ABCC2: variants seen among roughly 807,000 people sequenced by gnomAD.
ABCC2 encodes ATP binding cassette subfamily C member 2, also known as ATP-binding cassette sub-family C member 2.
ABCC2 carries 157 observed loss-of-function variants against 173.4 expected under a neutral mutation model. That is an observed-to-expected ratio of 0.91 (90% CI 0.80 to 1.03). The LOEUF (loss-of-function observed/expected upper bound fraction) is 1.03, where lower values mean the gene tolerates loss of function less well. Among genes scored for constraint, ABCC2 ranks in the 50% least tolerant of loss-of-function variants. ABCC2 has a pLI of 0.00. For missense variants in ABCC2, 1,822 were observed against 1,852.3 expected, an observed-to-expected ratio of 0.98 and a Z score of 0.30; for synonymous variants, 657 against 693.5, an observed-to-expected ratio of 0.95 and a Z score of 0.83.
intron 18 of ABCC2, 44 bp downstream of exon 18, chr10:99,819,001 G>C: frequency 6.3e-7 from 1 of 1,594,502 alleles, no homozygotes; most frequent in South Asian, 1.1e-5. Flanking sequence ...GGTGGGGTGG[G>C]AGGGAGAGGG....
At chr10:99,809,981 A>G (rs2038181106) in intron 13 of ABCC2, among the ~76,000 whole-genome samples, 153 bp from the exon 14 acceptor site, 1 of 152,226 alleles carries the variant, frequency 6.6e-6, no homozygotes, top group Admixed American at 6.5e-5. Context: ...CCATCTGTCT[A>G]TGGTGGGATA....
intron 2 of ABCC2, among the ~76,000 whole-genome samples, chr10:99,785,081 T>C (rs932805283): frequency 4.6e-5 from 7 of 152,240 alleles, no homozygotes; most frequent in African/African-American, 1.4e-4. Context: ...GAACACTGGA[T>C]CACCTGTCTT....
chr10:99,799,687 G>C (rs2132999945), intron 8 of ABCC2, among the ~76,000 whole-genome samples: 1 of 152,260 alleles, frequency 6.6e-6, no homozygotes, highest in Non-Finnish European at 1.5e-5. Context: ...TACCCCTGGA[G>C]AGTAACTGAC....
At position 99,816,064 on chromosome 10, in the gene ABCC2, G is replaced by A. The variant is rs930229771; in HGVS notation, c.2095-1244G>A. Among the ~76,000 whole-genome samples, 7 of 151,702 alleles carry A rather than the reference G, an allele frequency of 4.6e-5. No individual in the cohort carries two copies. The East Asian group carries it at 7.7e-4, about 17-fold the overall frequency. On this transcript the variant is annotated intron_variant, in intron 16 of 31. Coordinates refer to ENST00000647814, the MANE Select transcript of ABCC2 (RefSeq NM_000392.5). ...GCTCACTGCAACCTCCACCTCCTGG[G>A]TTCAAGCAATTCTCTGCCTCAGCCT...
intron 24 of ABCC2, among the ~76,000 whole-genome samples, chr10:99,835,036 C>T (rs569940188): frequency 5.9e-5 from 9 of 152,298 alleles, no homozygotes; most frequent in African/African-American, 1.9e-4. Context: ...GGTTTAGGCT[C>T]AATTCCAGTG....
rs775342469 is a variant in ABCC2, at chr10:99,831,648, T to G, written c.2921T>G (p.Ile974Arg). The G allele has an allele frequency of 6.2e-7, 1 of 1,614,208 alleles. No individual in the cohort carries two copies. The highest frequency in any genetic ancestry group is 1.3e-5 in the African/African-American group (1 of 75,060). Residue 974 changes from isoleucine to arginine, a missense_variant, in exon 22 of 32, where the codon ATA becomes AGA. By Grantham distance (97) the Ile-to-Arg change is moderately conservative. Transcript: ENST00000647814. Reference protein sequence around the residue: ...FSIYLEYLQAIGLFSIFFIIL... With the variant: ...FSIYLEYLQARGLFSIFFIIL... ...ATCTACCTGGAGTACCTACAAGCAA[T>G]AGGATTGTTTTCGATATTCTTCATC...
chr10:99,784,269 C>T (rs2756104), intron 1 of ABCC2, among the ~76,000 whole-genome samples: 58,022 of 151,886 alleles, frequency 0.38, 11,473 homozygotes, highest in Middle Eastern at 0.5. Flanking sequence ...TCCCAGGGAA[C>T]TATTCTGTCC....
intron 19 of ABCC2, among the ~76,000 whole-genome samples, chr10:99,829,982 CTTCTA>C (rs1229179727): frequency 6.6e-6 from 1 of 152,192 alleles, no homozygotes; most frequent in East Asian, 1.9e-4. Context: ...GAATGTGACT[CTTCTA>C]TTTGTCTACC....
chr10:99,836,268 T>C lies in ABCC2; in HGVS notation c.3592T>C (p.Phe1198Leu). Residue 1198 changes from phenylalanine to leucine, a missense_variant, in exon 25 of 32, where the codon TTT becomes CTT. Transcript: ENST00000647814. ...VRIDTNQKCVFSWITSNRWLA... is the reference protein window; with the variant it reads ...VRIDTNQKCVLSWITSNRWLA... ...GATTGACACCAACCAGAAATGTGTC[T>C]TTTCCTGGATCACCTCCAACAGGTG... 2 of 1,614,176 alleles carry C rather than the reference T, an allele frequency of 1.2e-6. No individual in the cohort carries two copies. The highest frequency in any genetic ancestry group is 1.7e-6 in the Non-Finnish European group (2 of 1,180,020).
intron 9 of ABCC2, among the ~76,000 whole-genome samples, chr10:99,801,416 T>G (rs187508394): frequency 0.011 from 1,723 of 152,176 alleles, 31 homozygotes; most frequent in Middle Eastern, 0.041. Flanking sequence ...TTTTGTATTT[T>G]TAGTAGAGAT....
intron 7 of ABCC2, chr10:99,797,809 T>C (rs2037945487): frequency 1.0e-5 from 2 of 200,194 alleles, no homozygotes; most frequent in South Asian, 1.8e-4. Context: ...ATAGTGTATT[T>C]GGAGTGAAGT....
chr10:99,787,756 C>T (rs1343190710), intron 2 of ABCC2, among the ~76,000 whole-genome samples: 3 of 151,958 alleles, frequency 2.0e-5, no homozygotes, highest in Non-Finnish European at 4.4e-5. Flanking sequence ...CTCAGAGGAT[C>T]ACAAAGTTCA....
chr10:99,821,138 T>G (rs2133086554), intron 19 of ABCC2, among the ~76,000 whole-genome samples: 1 of 152,360 alleles, frequency 6.6e-6, no homozygotes, highest in East Asian at 1.9e-4. Context: ...AAGGATTAAG[T>G]GCTGTGCTTT....
intron 13 of ABCC2, among the ~76,000 whole-genome samples, chr10:99,809,271 T>C (rs1467680731): frequency 1.7e-4 from 26 of 152,156 alleles, no homozygotes; most frequent in Admixed American, 1.7e-3. Flanking sequence ...GAGAATCACT[T>C]GAACCTGGGA....
chr10:99,828,359 G>T (rs745875080), intron 19 of ABCC2, among the ~76,000 whole-genome samples: 15 of 152,086 alleles, frequency 9.9e-5, no homozygotes, highest in Non-Finnish European at 2.1e-4. Flanking sequence ...GGGCAGGAGG[G>T]CAAGGTGAGC....
rs201687939 is a variant in ABCC2 at position 99,830,882 on chromosome 10, G to A, written c.2883+31G>A. ...CACCACACAGAAAAGTAGCATTTGA[G>A]GTGTTATAAGGTTTAGAACCCAAAA... On this transcript the variant is annotated intron_variant, in intron 21 of 31. Transcript: ENST00000647814. 3,188 of 1,613,008 alleles carry A rather than the reference G, an allele frequency of 2.0e-3. 12 individuals carry two copies. Among genetic ancestry groups the A allele is most frequent in the Non-Finnish European group, 2.3e-3 (2,658 of 1,179,764 alleles).
intron 16 of ABCC2, among the ~76,000 whole-genome samples, chr10:99,813,372 C>T (rs761392110): frequency 3.4e-4 from 52 of 152,112 alleles, no homozygotes; most frequent in Non-Finnish European, 5.7e-4. Flanking sequence ...GATTCTCATA[C>T]GCATACTACA....
chr10:99,816,569 C>T lies in ABCC2; in HGVS notation c.2095-739C>T, dbSNP rs78212668. 3.9e-3 allele frequency among the ~76,000 whole-genome samples: 600 copies of T among 152,266 alleles called. 1 individual carries two copies. The highest frequency in any genetic ancestry group is 0.011 in the Admixed American group (168 of 15,282). On this transcript the variant is annotated intron_variant, in intron 16 of 31. Coordinates refer to ENST00000647814, the MANE Select transcript of ABCC2 (RefSeq NM_000392.5). Reference sequence around the variant, plus strand: ...TGCTGGGATTACAAGCGTGAGCCACCGCGCCCAGTTTCCATCTCTCTTTGG... The same window carrying T: ...TGCTGGGATTACAAGCGTGAGCCACTGCGCCCAGTTTCCATCTCTCTTTGG...
At chr10:99,787,876 A>C (rs1373190456) in intron 2 of ABCC2, among the ~76,000 whole-genome samples, 2 of 152,080 alleles carry the variant, frequency 1.3e-5, no homozygotes, top group Non-Finnish European at 2.9e-5. Context: ...CAGCCTGGCC[A>C]ACTTGGTGAG....
Sources: gnomAD v4.1 joint callset for allele counts (sites outside exome capture counted in the v4.1 genomes callset) on GRCh38, gnomAD v4.1.1 for gene constraint, MANE v1.5 for transcripts, NCBI Gene and HGNC (gene_info 2026-07-23, HGNC 2026-07-21) for gene names.